Variants in CYP26B1 observed in about 807,000 individuals in gnomAD.
CYP26B1 encodes the protein cytochrome P450 family 26 subfamily B member 1.
In CYP26B1, 8 loss-of-function variants were observed where a neutral mutation model predicts 39.1. The ratio of observed to expected loss-of-function variants is 0.20; its 90% CI spans 0.12 to 0.37. The LOEUF is 0.37. Among genes scored for constraint, CYP26B1 ranks in the 10% least tolerant of loss-of-function variants. The pLI, the probability that CYP26B1 is intolerant of heterozygous loss-of-function variation, is 1.00. For synonymous variants in CYP26B1, 321 were observed against 314.3 expected, an observed-to-expected ratio of 1.02 and a Z score of -0.23; for missense variants, 615 against 707.0, an observed-to-expected ratio of 0.87 and a Z score of 1.48.
intron 5 of CYP26B1, among the ~76,000 whole-genome samples, 173 bp from the exon 6 acceptor site, chr2:72,132,792 C>A (rs1676631900): frequency 6.6e-6 from 1 of 152,236 alleles, no homozygotes; most frequent in South Asian, 2.1e-4. Context: ...GCATGTTAGT[C>A]CAAGCCCTTA....
Position 72,135,135 on chromosome 2 carries a change from G to C in CYP26B1, c.705+9C>G, listed in dbSNP as rs766749775. 1 of 1,612,616 alleles carries C rather than the reference G, an allele frequency of 6.2e-7. No homozygotes were observed. The highest frequency in any genetic ancestry group is 8.5e-7 in the Non-Finnish European group (1 of 1,179,968). On this transcript the variant is annotated intron_variant, in intron 3 of 5. Coordinates refer to ENST00000001146, the MANE Select transcript of CYP26B1 (RefSeq NM_019885.4). ...CCTGCTCCTCTCCTCCCAGGCCCTG[G>C]GTGCTCACCCGCCGGTAGCCACTGA...
intron 2 of CYP26B1, among the ~76,000 whole-genome samples, chr2:72,138,567 C>T (rs990365536): frequency 6.6e-6 from 1 of 152,210 alleles, no homozygotes; most frequent in African/African-American, 2.4e-5. Flanking sequence ...CAAAAGTCAG[C>T]CAAGAATGCT....
chr2:72,144,575 A>G, intron 1 of CYP26B1: 2 of 859,488 alleles, frequency 2.3e-6, no homozygotes, highest in Non-Finnish European at 2.8e-6. Flanking sequence ...CTCGGAATAA[A>G]TATTTCCAGG....
At chr2:72,134,319 G>T (rs1427006513) in intron 4 of CYP26B1, among the ~76,000 whole-genome samples, 8 of 151,614 alleles carry the variant, frequency 5.3e-5, no homozygotes, top group Non-Finnish European at 8.9e-5. Flanking sequence ...TAGGGGGCGG[G>T]GGGGAGGGTG....
At chr2:72,135,054 C>G in intron 3 of CYP26B1, 90 bp downstream of exon 3, 1 of 1,603,150 alleles carries the variant, frequency 6.2e-7, no homozygotes, top group Non-Finnish European at 8.5e-7. Context: ...TGCCTAGGTG[C>G]CCATCTCAGG....
At position 72,144,708 on chromosome 2, in the gene CYP26B1, C is replaced by T. The variant is rs552308713; in HGVS notation, c.205-495G>A. 2.8e-3 allele frequency among the ~76,000 whole-genome samples: 430 copies of T among 152,286 alleles called. 3 individuals carry two copies. Among genetic ancestry groups the T allele is most frequent in the African/African-American group, 0.01 (424 of 41,570 alleles). On this transcript the variant is annotated intron_variant, in intron 1 of 5. Transcript: ENST00000001146. ...TGGGGGTTGGAGTTTCCTCCGCTCT[C>T]CGGTGTGGCCCGCGCAGGGACCCGG...
intron 2 of CYP26B1, among the ~76,000 whole-genome samples, chr2:72,137,523 C>T (rs1263035687): frequency 1.4e-5 from 1 of 73,294 alleles, no homozygotes; most frequent in African/African-American, 5.9e-5. Context: ...ACACACCCCA[C>T]GTGGGCCATA....
intron 2 of CYP26B1, among the ~76,000 whole-genome samples, chr2:72,141,453 G>A (rs574292378): frequency 1.3e-5 from 2 of 152,312 alleles, no homozygotes; most frequent in East Asian, 3.9e-4. Context: ...CCAGAGGTGG[G>A]GTGGGCCACC....
At chr2:72,138,763 C>T (rs570746836) in intron 2 of CYP26B1, among the ~76,000 whole-genome samples, 21 of 152,226 alleles carry the variant, frequency 1.4e-4, no homozygotes, top group African/African-American at 4.6e-4. Flanking sequence ...GGAGGGCACT[C>T]GCCTTAAGGG....
intron 1 of CYP26B1, 25 bp from the exon 2 acceptor site, chr2:72,144,238 T>G: frequency 6.4e-7 from 1 of 1,574,480 alleles, no homozygotes; most frequent in Non-Finnish European, 8.7e-7. Context: ...CCCGGGTCTC[T>G]CTCAGGGTGC....
In CYP26B1 at chr2:72,132,111, G is replaced by C. The variant is rs548788241; in HGVS notation, c.*116C>G. On this transcript the variant is annotated 3_prime_UTR_variant, in exon 6 of 6. Transcript: ENST00000001146. ...TTGCCAGGGAGGGGGAGCAAGGGAG[G>C]GCAAGTATGGGGGCCACTCGCCCTC... 1 of 1,218,504 alleles carries C rather than the reference G, an allele frequency of 8.2e-7. No homozygotes were observed. The highest frequency in any genetic ancestry group is 1.2e-6 in the Non-Finnish European group (1 of 867,824). 75.5% of individuals were successfully genotyped at this position (1,218,504 alleles called of 1,614,324 possible). A position where few individuals can be genotyped will look rare whatever the true frequency, so the allele number is the denominator to read the frequency against.
In CYP26B1 at chr2:72,129,858, G is replaced by C. The variant is rs575381062; in HGVS notation, c.*2369C>G. On this transcript the variant is annotated 3_prime_UTR_variant, in exon 6 of 6. Transcript: ENST00000001146. ...AACACACACGCACACGCACAGACAC[G>C]GGCATCTCACTAGAGAGCTGAAAGG... The C allele has an allele frequency of 1.4e-5, 2 of 144,058 alleles. No homozygotes were observed. Among genetic ancestry groups the C allele is most frequent in the Admixed American group, 1.4e-4 (2 of 14,400 alleles). 8.9% of individuals were successfully genotyped at this position (144,058 alleles called of 1,614,324 possible). A position where few individuals can be genotyped will look rare whatever the true frequency, so the allele number is the denominator to read the frequency against.
rs1676531866 is a variant in CYP26B1, at chr2:72,130,440, T to C, written c.*1787A>G. 1.3e-5 allele frequency: 2 copies of C among 152,058 alleles called. No homozygotes were observed. The highest frequency in any genetic ancestry group is 2.9e-5 in the Non-Finnish European group (2 of 68,048). 9.4% of individuals were successfully genotyped at this position (152,058 alleles called of 1,614,324 possible). ...GAGCAGTCTGTGTGGTATGGGCCCG[T>C]TCCTATAGTCTATCTTCAGGGTGGC... On this transcript the variant is annotated 3_prime_UTR_variant, in exon 6 of 6. Coordinates refer to ENST00000001146, the MANE Select transcript of CYP26B1 (RefSeq NM_019885.4).
chr2:72,133,961 T>C (rs1676678526), intron 4 of CYP26B1, among the ~76,000 whole-genome samples: 1 of 152,156 alleles, frequency 6.6e-6, no homozygotes, highest in African/African-American at 2.4e-5. Context: ...GGCTATCTCA[T>C]AGCACACCCT....
At chr2:72,132,914 T>C in intron 5 of CYP26B1, 109 bp downstream of exon 5, 2 of 1,542,090 alleles carry the variant, frequency 1.3e-6, no homozygotes, top group African/African-American at 2.7e-5. Flanking sequence ...GCAAGCACTG[T>C]TTCCCCATCA....
chr2:72,145,241 C>T (rs1371991803), intron 1 of CYP26B1, among the ~76,000 whole-genome samples: 2 of 152,216 alleles, frequency 1.3e-5, no homozygotes, highest in African/African-American at 2.4e-5. Context: ...GGGTTGGTCC[C>T]CCTCCTCACT....
intron 2 of CYP26B1, among the ~76,000 whole-genome samples, chr2:72,141,871 C>G (rs1477712655): frequency 6.6e-6 from 1 of 152,146 alleles, no homozygotes; most frequent in East Asian, 1.9e-4. Context: ...ATTTCTCATT[C>G]GACCCTCCCC....
chr2:72,142,095 T>TC (rs1232989887), intron 2 of CYP26B1, among the ~76,000 whole-genome samples: 1 of 133,838 alleles, frequency 7.5e-6, no homozygotes, highest in African/African-American at 2.8e-5. Context: ...CATCCCCCCT[T>TC]CCCCCCACCG....
At chr2:72,137,808 G>T (rs920702299) in intron 2 of CYP26B1, among the ~76,000 whole-genome samples, 1 of 152,224 alleles carries the variant, frequency 6.6e-6, no homozygotes, top group African/African-American at 2.4e-5. Flanking sequence ...GGGGGAAGGG[G>T]TCCATGGGCA....
Sources: allele counts gnomAD v4.1 joint callset (sites outside exome capture counted in the v4.1 genomes callset), GRCh38; gene constraint gnomAD v4.1.1; transcripts MANE v1.5; gene names NCBI Gene and HGNC (gene_info 2026-07-23, HGNC 2026-07-21).